The following AGBL4 variants were observed in gnomAD, a reference collection of about 807,000 sequenced individuals.
AGBL4 encodes the protein AGBL carboxypeptidase 4.
In AGBL4, 58 loss-of-function variants were observed where a neutral mutation model predicts 66.4. The ratio of observed to expected loss-of-function variants is 0.87; its 90% confidence interval spans 0.71 to 1.09. AGBL4 has a LOEUF of 1.09. Among genes scored for constraint, AGBL4 ranks in the 50% least tolerant of loss-of-function variants. The pLI is 0.00. For synonymous variants in AGBL4, 234 were observed against 222.9 expected, an observed-to-expected ratio of 1.05 and a Z score of -0.44; for missense variants, 579 against 631.0, an observed-to-expected ratio of 0.92 and a Z score of 0.88.
intron 2 of AGBL4, among the ~76,000 whole-genome samples, chr1:49,795,244 T>C (rs1644701514): frequency 6.6e-6 from 1 of 151,952 alleles, no homozygotes; most frequent in South Asian, 2.1e-4. Flanking sequence ...AGGACTTTCA[T>C]TTAAGTCTTT....
chr1:48,958,031 A>G (rs919367441), intron 5 of AGBL4, among the ~76,000 whole-genome samples: 14 of 147,370 alleles, frequency 9.5e-5, no homozygotes, highest in Admixed American at 9.4e-4. Flanking sequence ...TGTTTTTTGT[A>G]TTTTTTTTAG....
At chr1:49,610,500 G>A (rs1437159095) in intron 3 of AGBL4, among the ~76,000 whole-genome samples, 2 of 152,156 alleles carry the variant, frequency 1.3e-5, no homozygotes, top group African/African-American at 4.8e-5. Flanking sequence ...GAATATTTGT[G>A]TCCCTCTGAA....
intron 5 of AGBL4, among the ~76,000 whole-genome samples, chr1:48,993,986 G>T (rs896616205): frequency 5.3e-5 from 8 of 152,158 alleles, no homozygotes; most frequent in Admixed American, 3.3e-4. Context: ...TCTTAGAAAG[G>T]TGCTTTTTTT....
intron 3 of AGBL4, among the ~76,000 whole-genome samples, chr1:49,551,643 A>T (rs999659476): frequency 2.6e-5 from 4 of 152,224 alleles, no homozygotes; most frequent in African/African-American, 4.8e-5. Context: ...CTCCTGTGAC[A>T]TGAGCCATCT....
intron 1 of AGBL4, among the ~76,000 whole-genome samples, chr1:49,875,619 G>A (rs1417546150): frequency 4.0e-5 from 6 of 149,042 alleles, no homozygotes; most frequent in Non-Finnish European, 5.9e-5. Context: ...ATAAACATAC[G>A]TGTACATGTG....
chr1:49,158,103 T>C (rs1029434503), intron 4 of AGBL4, among the ~76,000 whole-genome samples: 1 of 152,158 alleles, frequency 6.6e-6, no homozygotes. Flanking sequence ...ATTTAATAAA[T>C]GTTGGGAAAA....
chr1:49,490,244 A>G (rs1393248755), intron 3 of AGBL4, among the ~76,000 whole-genome samples: 1 of 151,690 alleles, frequency 6.6e-6, no homozygotes, highest in African/African-American at 2.4e-5. Context: ...ATTGAATTTT[A>G]TCTTGTTTTT....
At chr1:49,354,962 A>C (rs1330112618) in intron 3 of AGBL4, among the ~76,000 whole-genome samples, 3 of 152,208 alleles carry the variant, frequency 2.0e-5, no homozygotes, top group Non-Finnish European at 4.4e-5. Flanking sequence ...ATTCCACTGC[A>C]GGGCACACAT....
In AGBL4 at chr1:49,508,820, C is replaced by A. The variant is rs1482323133; in HGVS notation, c.282+188493G>T. 2.0e-5 allele frequency among the ~76,000 whole-genome samples: 3 copies of A among 151,950 alleles called. No individual in the cohort carries two copies. The East Asian group carries it at 5.8e-4, about 29-fold the overall frequency. On this transcript the variant is annotated intron_variant, in intron 3 of 13. Transcript: ENST00000371839. ...ATCAGGCATGGCTAATAGTTTCCTT[C>A]TTTTCTCCTGACTGTGGGGATTATA...
intron 3 of AGBL4, among the ~76,000 whole-genome samples, chr1:49,602,478 G>T (rs564250971): frequency 1.3e-5 from 2 of 152,234 alleles, no homozygotes; most frequent in African/African-American, 4.8e-5. Context: ...TAAAGAAAAT[G>T]TGGCACATAT....
chr1:49,764,510 T>C (rs1652591229), intron 2 of AGBL4, among the ~76,000 whole-genome samples: 1 of 152,088 alleles, frequency 6.6e-6, no homozygotes, highest in South Asian at 2.1e-4. Flanking sequence ...CACCTCAACT[T>C]TGGGCTGGCC....
intron 2 of AGBL4, among the ~76,000 whole-genome samples, chr1:49,748,303 T>C (rs1651159286): frequency 6.6e-6 from 1 of 152,134 alleles, no homozygotes; most frequent in African/African-American, 2.4e-5. Flanking sequence ...AGAATAATGG[T>C]TTCCAGCTTC....
At chr1:49,696,543 T>C (rs1646989278) in intron 3 of AGBL4, among the ~76,000 whole-genome samples, 1 of 152,140 alleles carries the variant, frequency 6.6e-6, no homozygotes, top group Admixed American at 6.6e-5. Context: ...GACAAAATTA[T>C]TCAAAGTATT....
intron 6 of AGBL4, among the ~76,000 whole-genome samples, chr1:48,837,752 T>G (rs2148792646): frequency 7.0e-6 from 1 of 142,630 alleles, no homozygotes; most frequent in African/African-American, 2.5e-5. Context: ...TCCTGTTAGT[T>G]CTGTCTCTCT....
At chr1:49,845,990 G>C in intron 2 of AGBL4, 1 of 1,587,558 alleles carries the variant, frequency 6.3e-7, no homozygotes, top group South Asian at 1.1e-5. Context: ...CCACACTGAG[G>C]AGAAGCCCTA....
intron 6 of AGBL4, among the ~76,000 whole-genome samples, chr1:48,762,269 T>C (rs1413375374): frequency 6.6e-6 from 1 of 152,220 alleles, no homozygotes; most frequent in Non-Finnish European, 1.5e-5. Flanking sequence ...AAGGATATTA[T>C]TTCTACTCAT....
chr1:49,942,125 A>G (rs1306426109), intron 1 of AGBL4, among the ~76,000 whole-genome samples: 1 of 152,134 alleles, frequency 6.6e-6, no homozygotes, highest in Non-Finnish European at 1.5e-5. Flanking sequence ...ACTTAGAAAT[A>G]AATTCATTCA....
chr1:49,910,557 G>A (rs528957444), intron 1 of AGBL4, among the ~76,000 whole-genome samples: 13 of 152,020 alleles, frequency 8.6e-5, no homozygotes, highest in African/African-American at 2.7e-4. Context: ...AAGGAGAGGC[G>A]TCAGGTGGTA....
At chr1:49,468,273 A>G (rs1479587341) in intron 3 of AGBL4, among the ~76,000 whole-genome samples, 1 of 151,832 alleles carries the variant, frequency 6.6e-6, no homozygotes. Flanking sequence ...TTAATATGAA[A>G]TACTGAACTG....
Sources: allele counts gnomAD v4.1 joint callset (sites outside exome capture counted in the v4.1 genomes callset), GRCh38; gene constraint gnomAD v4.1.1; transcripts MANE v1.5; gene names NCBI Gene and HGNC (gene_info 2026-07-23, HGNC 2026-07-21).